The following RPS6KA2 variants were observed in gnomAD, a reference collection of about 807,000 sequenced individuals.
The protein encoded by RPS6KA2 is ribosomal protein S6 kinase alpha-2.
A neutral mutation model predicts 91.8 loss-of-function variants in RPS6KA2; 42 were observed. That is an observed-to-expected ratio of 0.46 (90% CI 0.36 to 0.59). RPS6KA2 has a LOEUF of 0.59. RPS6KA2 is among the 20% of genes least tolerant of loss of function. The probability of loss-of-function intolerance (pLI) is 0.00; values close to 1 mark genes in which losing one functional copy is unlikely to be tolerated. For missense variants in RPS6KA2, 798 were observed against 978.5 expected, an observed-to-expected ratio of 0.82 and a Z score of 2.46; for synonymous variants, 414 against 393.6, an observed-to-expected ratio of 1.05 and a Z score of -0.61.
At chr6:166,496,384 A>G (rs550617795) in intron 8 of RPS6KA2, among the ~76,000 whole-genome samples, 301 of 143,004 alleles carry the variant, frequency 2.1e-3, no homozygotes, top group African/African-American at 8.0e-3. Flanking sequence ...AAAAAGAAAA[A>G]AAAGAAAAAA....
In RPS6KA2 at chr6:166,557,975, G is replaced by GGTGTGT. The variant is rs59606557; in HGVS notation, c.100-19197_100-19192dup. Among the ~76,000 whole-genome samples the GGTGTGT allele has an allele frequency of 6.6e-6, 1 of 150,894 alleles. No individual in the cohort carries two copies. The highest frequency in any genetic ancestry group is 6.6e-5 in the Admixed American group (1 of 15,086). On this transcript the variant is annotated intron_variant, in intron 1 of 20. Coordinates refer to ENST00000265678, the MANE Select transcript of RPS6KA2 (RefSeq NM_021135.6). The surrounding 1 kb of genome is among the most constrained non-coding windows in gnomAD (Gnocchi z 4.8). ...AGAGATGTATATGTATATACAGAGG[G>GGTGTGT]GTGTGTGTGTGTGTGTATATATGTA...
At chr6:166,582,661 G>T (rs1344505433) in intron 1 of RPS6KA2, among the ~76,000 whole-genome samples, 1 of 152,144 alleles carries the variant, frequency 6.6e-6, no homozygotes, top group Non-Finnish European at 1.5e-5. Context: ...CACAGAAAAA[G>T]TGCCAAAAAA....
chr6:166,462,211 T>C (rs1028237861), intron 11 of RPS6KA2, among the ~76,000 whole-genome samples: 2 of 152,226 alleles, frequency 1.3e-5, no homozygotes, highest in Non-Finnish European at 2.9e-5. Flanking sequence ...GGACTGGATG[T>C]TGAGGCGACT....
intron 3 of RPS6KA2, among the ~76,000 whole-genome samples, chr6:166,517,455 G>GTTTGTTTTTT (rs1782688393): frequency 9.5e-6 from 1 of 104,970 alleles, no homozygotes; most frequent in African/African-American, 4.4e-5. Flanking sequence ...CTTTTGTTTT[G>GTTTGTTTTTT]TTTTTTTTTT....
Position 166,788,902 on chromosome 6 carries a change from A to G in RPS6KA2, c.123+69298T>C, listed in dbSNP as rs776259980. On this transcript the variant is annotated intron_variant, in intron 2 of 21. Coordinates refer to the RPS6KA2 transcript ENST00000503859. Reference sequence around the variant, plus strand: ...GTGGAGCCAAGATGGCTGAATAGGAACAGCTCCAGTCTACAGCTCCCAGGG... The same window carrying G: ...GTGGAGCCAAGATGGCTGAATAGGAGCAGCTCCAGTCTACAGCTCCCAGGG... Among the ~76,000 whole-genome samples, 103 of 152,212 alleles carry G rather than the reference A, an allele frequency of 6.8e-4. 1 individual carries two copies. The highest frequency in any genetic ancestry group is 4.0e-4 in the Non-Finnish European group (27 of 68,038).
At chr6:166,455,145 C>A (rs886889244) in intron 12 of RPS6KA2, among the ~76,000 whole-genome samples, 1 of 152,048 alleles carries the variant, frequency 6.6e-6, no homozygotes, top group Middle Eastern at 3.2e-3. Context: ...AGGTGCTGTA[C>A]TTTGAAAGGA....
intron 2 of RPS6KA2, among the ~76,000 whole-genome samples, chr6:166,764,186 G>T (rs1033256299): frequency 2.0e-5 from 3 of 152,150 alleles, no homozygotes; most frequent in Non-Finnish European, 4.4e-5. Flanking sequence ...GAGAAATGAG[G>T]CTGAGCCCCA....
At position 166,798,580 on chromosome 6, in the gene RPS6KA2, G is replaced by A. The variant is rs935698105; in HGVS notation, c.123+59620C>T. On this transcript the variant is annotated intron_variant, in intron 2 of 21. Coordinates refer to the RPS6KA2 transcript ENST00000503859. ...GGTGCTGGCCCTGCAGCTGGGGAGC[G>A]GCCCTCTCCACCACAGTGGTCTTCA... Among the ~76,000 whole-genome samples the A allele has an allele frequency of 5.3e-5, 8 of 152,148 alleles. No homozygotes were observed. The East Asian group carries it at 7.7e-4, about 15-fold the overall frequency.
chr6:166,751,883 G>C (rs1791296599), intron 2 of RPS6KA2, among the ~76,000 whole-genome samples: 1 of 152,162 alleles, frequency 6.6e-6, no homozygotes, highest in South Asian at 2.1e-4. Flanking sequence ...ACAGAGGCCA[G>C]ACTCCGTGGA....
At chr6:166,625,938 T>G (rs1786856364) in intron 1 of RPS6KA2, among the ~76,000 whole-genome samples, 1 of 152,210 alleles carries the variant, frequency 6.6e-6, no homozygotes, top group African/African-American at 2.4e-5. Context: ...CCCATGTCTG[T>G]GTCTAATATC....
rs932866315 is a variant in RPS6KA2 at position 166,741,436 on chromosome 6, C to T, written c.123+116764G>A. ...AAGTTTTGAGTGTTGAATGTCAAAT[C>T]ATTCTCTGCACTTTCCTATATTTAA... is the stretch of plus-strand genomic sequence containing the variant. On this transcript the variant is annotated intron_variant, in intron 2 of 21. Coordinates refer to the RPS6KA2 transcript ENST00000503859. 1.2e-4 allele frequency among the ~76,000 whole-genome samples: 18 copies of T among 152,246 alleles called. 1 individual carries two copies. The highest frequency in any genetic ancestry group is 4.1e-4 in the African/African-American group (17 of 41,464).
At chr6:166,718,777 T>C (rs1272807673) in intron 2 of RPS6KA2, among the ~76,000 whole-genome samples, 5 of 152,346 alleles carry the variant, frequency 3.3e-5, no homozygotes, top group South Asian at 2.1e-4. Flanking sequence ...ATCGGTTATG[T>C]CTCAATAACT....
intron 3 of RPS6KA2, among the ~76,000 whole-genome samples, chr6:166,517,978 C>T (rs1379138929): frequency 6.6e-6 from 1 of 152,166 alleles, no homozygotes; most frequent in Non-Finnish European, 1.5e-5. Context: ...GCTCTTAGCT[C>T]TGAGGCTGTG....
At chr6:166,658,987 G>A (rs1324644881) in intron 2 of RPS6KA2, among the ~76,000 whole-genome samples, 2 of 152,084 alleles carry the variant, frequency 1.3e-5, no homozygotes, top group African/African-American at 4.8e-5. Context: ...ACATCCACAG[G>A]CTTCCCCAGA....
chr6:166,558,783 C>CT (rs763755573), intron 1 of RPS6KA2, among the ~76,000 whole-genome samples: 5 of 152,204 alleles, frequency 3.3e-5, no homozygotes, highest in Admixed American at 6.5e-5. Flanking sequence ...AGAAAGTCTA[C>CT]AGTCACGGAG....
chr6:166,862,031 G>C, intron 1 of RPS6KA2: 1 of 1,584,834 alleles, frequency 6.3e-7, no homozygotes, highest in Non-Finnish European at 8.7e-7. Context: ...ACTGATTATA[G>C]TAAATGAGCA....
At chr6:166,458,359 T>C (rs1780170774) in intron 12 of RPS6KA2, among the ~76,000 whole-genome samples, 1 of 152,224 alleles carries the variant, frequency 6.6e-6, no homozygotes, top group Non-Finnish European at 1.5e-5. Flanking sequence ...ACAAGCTCTC[T>C]CTTTGTTGCC....
chr6:166,746,938 C>T (rs964041866), intron 2 of RPS6KA2, among the ~76,000 whole-genome samples: 3 of 152,188 alleles, frequency 2.0e-5, no homozygotes, highest in Non-Finnish European at 4.4e-5. Flanking sequence ...GATGGGCAGC[C>T]AAATGGAGAT....
chr6:166,757,607 C>T (rs1013388730), intron 2 of RPS6KA2: 55 of 456,120 alleles, frequency 1.2e-4, no homozygotes, highest in Non-Finnish European at 2.3e-4. Flanking sequence ...GGGGGCCGGG[C>T]TCCCCTTGCC....
Sources: gnomAD v4.1 joint callset for allele counts (sites outside exome capture counted in the v4.1 genomes callset) on GRCh38, gnomAD v4.1.1 for gene constraint, Gnocchi (gnomAD v3.1) non-coding constraint, MANE v1.5 for transcripts, NCBI Gene and HGNC (gene_info 2026-07-23, HGNC 2026-07-21) for gene names.